The following KCNN3 variants were observed in gnomAD, a reference collection of about 807,000 sequenced individuals.
The protein encoded by KCNN3 is potassium calcium-activated channel subfamily N member 3.
A neutral mutation model predicts 62.9 loss-of-function variants in KCNN3; 16 were observed. The ratio of observed to expected loss-of-function variants is 0.25; its 90% CI spans 0.17 to 0.39. The LOEUF is 0.39. Ranked by LOEUF, KCNN3 falls within the 10% of genes least tolerant of loss-of-function variation. KCNN3 has a pLI of 1.00. For synonymous variants in KCNN3, 370 were observed against 389.2 expected (o/e 0.95, Z 0.58); for missense variants, 599 against 949.4 (o/e 0.63, Z 4.85).
At chr1:154,726,429 C>T (rs1700466879) in intron 4 of KCNN3, among the ~76,000 whole-genome samples, 1 of 152,218 alleles carries the variant, frequency 6.6e-6, no homozygotes, top group East Asian at 1.9e-4. Flanking sequence ...AGGTCTCCAT[C>T]CCACTGCCAG....
rs561242297 is a variant in KCNN3, at chr1:154,705,447, C to A, written c.*2529G>T. 4 of 151,988 alleles carry A rather than the reference C, an allele frequency of 2.6e-5. No individual in the cohort carries two copies. Among genetic ancestry groups the A allele is most frequent in the Non-Finnish European group, 5.9e-5 (4 of 67,958 alleles). 9.4% of individuals were successfully genotyped at this position (151,988 alleles called of 1,614,324 possible). A position where few individuals can be genotyped will look rare whatever the true frequency, so the allele number is the denominator to read the frequency against. On this transcript the variant is annotated 3_prime_UTR_variant, in exon 8 of 8. Coordinates refer to ENST00000271915, the MANE Select transcript of KCNN3 (RefSeq NM_002249.6). ...AAAATCATGTATAGCTATTGCACTA[C>A]CAATAGGTCAATTCATGCTACAAAT... is the stretch of plus-strand genomic sequence containing the variant.
intron 2 of KCNN3, among the ~76,000 whole-genome samples, chr1:154,820,639 T>G (rs1172465618): frequency 1.3e-5 from 2 of 152,222 alleles, no homozygotes; most frequent in East Asian, 1.9e-4. Context: ...CCTGTACTCC[T>G]GGCTCCTTTC....
intron 2 of KCNN3, among the ~76,000 whole-genome samples, chr1:154,773,059 T>C (rs971671118): frequency 6.6e-6 from 1 of 152,224 alleles, no homozygotes; most frequent in African/African-American, 2.4e-5. Flanking sequence ...AAGTTTGCTA[T>C]ATAGGTAAAC....
At chr1:154,781,079 G>A (rs915857128) in intron 2 of KCNN3, among the ~76,000 whole-genome samples, 9 of 152,322 alleles carry the variant, frequency 5.9e-5, no homozygotes, top group Admixed American at 6.5e-5. Context: ...TCTCCTGAGC[G>A]CTTCGCCAGA....
intron 1 of KCNN3, among the ~76,000 whole-genome samples, chr1:154,847,533 T>C (rs148051440): frequency 2.0e-5 from 3 of 152,284 alleles, no homozygotes; most frequent in Non-Finnish European, 4.4e-5. Flanking sequence ...TCTTGAAAAG[T>C]TGACTCTGAG....
At chr1:154,792,480 A>G (rs947443658) in intron 2 of KCNN3, among the ~76,000 whole-genome samples, 10 of 152,252 alleles carry the variant, frequency 6.6e-5, no homozygotes, top group Non-Finnish European at 8.8e-5. Flanking sequence ...ATAATCCCAG[A>G]AAAGTAACAG....
intron 6 of KCNN3, 66 bp downstream of exon 6, chr1:154,714,808 CAG>C (rs1700198826): frequency 6.2e-7 from 1 of 1,600,402 alleles, no homozygotes; most frequent in African/African-American, 1.3e-5. Context: ...GTGCTACTGA[CAG>C]AGTTGTAGGA....
At chr1:154,837,604 C>G (rs906826991) in intron 1 of KCNN3, among the ~76,000 whole-genome samples, 1 of 152,180 alleles carries the variant, frequency 6.6e-6, no homozygotes, top group African/African-American at 2.4e-5. Context: ...TGGCTTTCCA[C>G]CCACAGCTGT....
intron 3 of KCNN3, among the ~76,000 whole-genome samples, chr1:154,751,101 A>C (rs939713331): frequency 1.3e-5 from 2 of 152,224 alleles, no homozygotes; most frequent in African/African-American, 4.8e-5. Flanking sequence ...AGGGCATCAG[A>C]TGTGTGAGCT....
intron 5 of KCNN3, among the ~76,000 whole-genome samples, chr1:154,716,764 C>T (rs764810151): frequency 3.3e-5 from 5 of 152,164 alleles, no homozygotes; most frequent in South Asian, 2.1e-4. Context: ...AAGTTGGAAA[C>T]GGTGGATGTC....
intron 3 of KCNN3, among the ~76,000 whole-genome samples, chr1:154,759,580 C>T (rs1362095356): frequency 6.6e-6 from 1 of 152,218 alleles, no homozygotes; most frequent in Non-Finnish European, 1.5e-5. Flanking sequence ...AAGGAAGTCA[C>T]TTCTCTCCTA....
intron 2 of KCNN3, among the ~76,000 whole-genome samples, chr1:154,804,970 G>A (rs1359331784): frequency 6.6e-6 from 1 of 152,132 alleles, no homozygotes; most frequent in Non-Finnish European, 1.5e-5. Flanking sequence ...TTCAAGGAAA[G>A]ACTCTATAGA....
chr1:154,762,275 A>G (rs1648053539), intron 3 of KCNN3, among the ~76,000 whole-genome samples: 1 of 152,210 alleles, frequency 6.6e-6, no homozygotes, highest in Admixed American at 6.5e-5. Context: ...CCCTCAGCGT[A>G]AGACAACCCC....
chr1:154,752,575 T>G (rs543585853), intron 3 of KCNN3, among the ~76,000 whole-genome samples: 2 of 152,324 alleles, frequency 1.3e-5, no homozygotes, highest in East Asian at 3.9e-4. Context: ...ATGGGAAAAT[T>G]GCTCCTGCCC....
chr1:154,722,385 A>ATTTT (rs11347024), intron 5 of KCNN3, among the ~76,000 whole-genome samples: 4 of 102,030 alleles, frequency 3.9e-5, no homozygotes, highest in African/African-American at 7.4e-5. Flanking sequence ...TGAGCTTAGC[A>ATTTT]TTTTTTTTTT....
At chr1:154,811,463 A>G (rs1457664813) in intron 2 of KCNN3, among the ~76,000 whole-genome samples, 4 of 152,246 alleles carry the variant, frequency 2.6e-5, no homozygotes, top group African/African-American at 9.6e-5. Context: ...TTTTACCACA[A>G]GTTTAAAAAG....
At chr1:154,729,460 C>T (rs1030714077) in intron 4 of KCNN3, among the ~76,000 whole-genome samples, 9 of 152,010 alleles carry the variant, frequency 5.9e-5, no homozygotes, top group Admixed American at 5.2e-4. Context: ...TCTAGAGATT[C>T]GGACCCAAAT....
At chr1:154,855,430 C>T (rs1245970428) in intron 1 of KCNN3, among the ~76,000 whole-genome samples, 1 of 152,194 alleles carries the variant, frequency 6.6e-6, no homozygotes, top group Non-Finnish European at 1.5e-5. Context: ...CTGCAAGCTC[C>T]ATTCATGGTA....
intron 4 of KCNN3, 132 bp from the exon 5 acceptor site, chr1:154,726,158 G>T (rs1321426892): frequency 1.5e-6 from 1 of 661,490 alleles, no homozygotes. Flanking sequence ...CTCTCTGGCT[G>T]GTCACGACCA....
Sources: gnomAD v4.1 joint callset for allele counts (sites outside exome capture counted in the v4.1 genomes callset) on GRCh38, gnomAD v4.1.1 for gene constraint, MANE v1.5 for transcripts, NCBI Gene and HGNC (gene_info 2026-07-23, HGNC 2026-07-21) for gene names.